ASB15: variants seen among roughly 807,000 people sequenced by gnomAD.
The protein encoded by ASB15 is ankyrin repeat and SOCS box containing 15, also known as ankyrin repeat and SOCS box protein 15.
In ASB15, 54 loss-of-function variants were observed where a neutral mutation model predicts 58.0. That is an observed-to-expected ratio of 0.93 (90% CI 0.75 to 1.17). The LOEUF (loss-of-function observed/expected upper bound fraction) is 1.17. Ranked by LOEUF, ASB15 falls within the 50% of genes most tolerant of loss-of-function variation. ASB15 has a pLI of 0.00. For missense variants in ASB15, 680 were observed against 707.4 expected (o/e 0.96, Z 0.44); for synonymous variants, 249 against 262.4 (o/e 0.95, Z 0.50).
At chr7:123,593,157 A>G (rs1799590214) in intron 1 of ASB15, among the ~76,000 whole-genome samples, 1 of 152,062 alleles carries the variant, frequency 6.6e-6, no homozygotes, top group Middle Eastern at 3.4e-3. Flanking sequence ...TTTTGAGCCT[A>G]TGTGTGTCTT....
chr7:123,615,394 T>C (rs1800736423), intron 4 of ASB15: 1 of 152,192 alleles, frequency 6.6e-6, no homozygotes, highest in African/African-American at 2.4e-5. Context: ...AAATTGTTGC[T>C]TTTGAGCTTT....
At chr7:123,567,806 C>G (rs1798801013) in intron 1 of ASB15, among the ~76,000 whole-genome samples, 1 of 151,696 alleles carries the variant, frequency 6.6e-6, no homozygotes, top group African/African-American at 2.4e-5. Flanking sequence ...TTTCCTCTCT[C>G]AACCTTGGAA....
At chr7:123,635,942 A>T (rs905815231) in intron 11 of ASB15, among the ~76,000 whole-genome samples, 3 of 152,152 alleles carry the variant, frequency 2.0e-5, no homozygotes, top group Non-Finnish European at 2.9e-5. Context: ...CATGTTTATT[A>T]TTGCACTGAA....
chr7:123,572,748 T>C (rs1019318461), intron 1 of ASB15, among the ~76,000 whole-genome samples: 8 of 152,068 alleles, frequency 5.3e-5, no homozygotes, highest in African/African-American at 1.9e-4. Flanking sequence ...TAAATGTGTG[T>C]ACTTTAAGTA....
chr7:123,608,840 A>G (rs912360746), intron 3 of ASB15, among the ~76,000 whole-genome samples, 186 bp downstream of exon 3: 4 of 152,170 alleles, frequency 2.6e-5, no homozygotes, highest in East Asian at 1.9e-4. Context: ...ATAAAAAGCA[A>G]AGTTATAACA....
At position 123,636,974 on chromosome 7, in the gene ASB15, T is replaced by G; in HGVS notation, c.1760T>G (p.Leu587Trp). The G allele has an allele frequency of 6.6e-7, 1 of 1,512,988 alleles. No homozygotes were observed. The highest frequency in any genetic ancestry group is 9.1e-7 in the Non-Finnish European group (1 of 1,104,918). 93.7% of individuals were successfully genotyped at this position (1,512,988 alleles called of 1,614,324 possible). Residue 587 changes from leucine to tryptophan, a missense_variant, in exon 12 of 12, where the codon TTG becomes TGG. By Grantham distance (61) the Leu-to-Trp change is moderately conservative. Transcript: ENST00000451215. ...EYDLYGQELK[L>W]T ...GATCTCTATGGACAAGAGCTAAAATTGACATAACTTAATATTTTAAAATGT... is the reference window on the plus strand; with the variant it reads ...GATCTCTATGGACAAGAGCTAAAATGGACATAACTTAATATTTTAAAATGT...
chr7:123,599,379 C>T (rs1463871187), upstream of ASB15, among the ~76,000 whole-genome samples: 7 of 152,166 alleles, frequency 4.6e-5, no homozygotes, highest in Non-Finnish European at 8.8e-5. Context: ...CTGACAAAGC[C>T]TCATAAAGAA....
intron 1 of ASB15, among the ~76,000 whole-genome samples, chr7:123,586,445 G>A (rs1263854679): frequency 6.6e-6 from 1 of 151,662 alleles, no homozygotes; most frequent in Non-Finnish European, 1.5e-5. Context: ...TCTGTATTGA[G>A]TTGTATACAT....
intron 8 of ASB15, 35 bp from the exon 9 acceptor site, chr7:123,627,075 T>A (rs777845857): frequency 6.3e-7 from 1 of 1,590,180 alleles, no homozygotes; most frequent in South Asian, 1.1e-5. Flanking sequence ...AACAATACCA[T>A]CCAGTTATCA....
upstream of ASB15, chr7:123,598,863 G>A (rs535522954): frequency 2.0e-5 from 3 of 152,232 alleles, no homozygotes; most frequent in African/African-American, 2.4e-5. Context: ...ATTCTTCCAG[G>A]GGCCTGTGAC....
intron 2 of ASB15, among the ~76,000 whole-genome samples, chr7:123,605,256 A>C (rs1411171657): frequency 6.6e-6 from 1 of 152,140 alleles, no homozygotes; most frequent in African/African-American, 2.4e-5. Context: ...AACATCCCTA[A>C]TCATTAGAGA....
chr7:123,638,770 T>C lies in ASB15; in HGVS notation c.*1789T>C, dbSNP rs1031983217. ...ACCTGATCAACTCCCACTTACCCTA[T>C]AGGTCTCAGCTGAGATGTTGCTTCC... On this transcript the variant is annotated 3_prime_UTR_variant, in exon 12 of 12. Transcript: ENST00000451215. 1 of 152,176 alleles carries C rather than the reference T, an allele frequency of 6.6e-6. No homozygotes were observed. Among genetic ancestry groups the C allele is most frequent in the Non-Finnish European group, 1.5e-5 (1 of 68,032 alleles). The allele number at this position is 152,176 out of a possible 1,614,324, so 9.4% of individuals were successfully genotyped here.
upstream of ASB15, among the ~76,000 whole-genome samples, chr7:123,601,165 T>C (rs1203605595): frequency 6.6e-6 from 1 of 152,138 alleles, no homozygotes; most frequent in Non-Finnish European, 1.5e-5. Flanking sequence ...ACTATTTTCA[T>C]TGGAAAATCA....
At position 123,621,977 on chromosome 7, in the gene ASB15, T is replaced by C. The variant is rs962025869; in HGVS notation, c.452-2592T>C. On this transcript the variant is annotated intron_variant, in intron 7 of 11. Coordinates refer to ENST00000451215, the MANE Select transcript of ASB15 (RefSeq NM_001290258.2). ...CACTGCCCTCCATTCCTGATGGCCT[T>C]ACCCCATTCACAGATCAGTTCATTT... Among the ~76,000 whole-genome samples, 5 of 152,304 alleles carry C rather than the reference T, an allele frequency of 3.3e-5. No homozygotes were observed. In the East Asian group the frequency reaches 7.7e-4, roughly 23 times the overall value.
chr7:123,576,794 G>T (rs1222806189), intron 1 of ASB15, among the ~76,000 whole-genome samples: 2 of 152,158 alleles, frequency 1.3e-5, no homozygotes, highest in Non-Finnish European at 2.9e-5. Context: ...AAGATCTGCT[G>T]CCACTAGGTT....
At chr7:123,611,585 G>A (rs925539754) in intron 3 of ASB15, among the ~76,000 whole-genome samples, 2 of 152,092 alleles carry the variant, frequency 1.3e-5, no homozygotes, top group African/African-American at 4.8e-5. Context: ...CGTGAGCCAC[G>A]GTGCCCGGCC....
intron 2 of ASB15, among the ~76,000 whole-genome samples, chr7:123,605,957 C>CCTAT (rs773607917): frequency 2.6e-5 from 4 of 151,922 alleles, no homozygotes; most frequent in Non-Finnish European, 5.9e-5. Flanking sequence ...ATACAATTTA[C>CCTAT]CTATATAACA....
At chr7:123,614,409 T>C (rs1004496194) in intron 3 of ASB15, 92 bp from the exon 4 acceptor site, 3 of 750,420 alleles carry the variant, frequency 4.0e-6, no homozygotes, top group South Asian at 3.4e-5. Flanking sequence ...TGCATTTTAG[T>C]TTTTCACTAT....
intron 1 of ASB15, among the ~76,000 whole-genome samples, chr7:123,584,042 T>C (rs1272877963): frequency 6.6e-6 from 1 of 151,986 alleles, no homozygotes; most frequent in African/African-American, 2.4e-5. Flanking sequence ...TCTATTTTTA[T>C]ATGTGCATGT....
Sources: gnomAD v4.1 joint callset for allele counts (sites outside exome capture counted in the v4.1 genomes callset) on GRCh38, gnomAD v4.1.1 for gene constraint, MANE v1.5 for transcripts, NCBI Gene and HGNC (gene_info 2026-07-23, HGNC 2026-07-21) for gene names.